KAZN: variants seen among roughly 807,000 people sequenced by gnomAD.
KAZN encodes kazrin.
A neutral mutation model predicts 87.4 loss-of-function variants in KAZN; 40 were observed. The observed-to-expected ratio is 0.46, with a 90% CI of 0.36 to 0.60. The LOEUF is 0.60. Among genes scored for constraint, KAZN ranks in the 20% least tolerant of loss-of-function variants. The pLI, the probability that KAZN is intolerant of heterozygous loss-of-function variation, is 0.00. For missense variants in KAZN, 898 were observed against 1,073.9 expected (o/e 0.84, Z 2.29); for synonymous variants, 466 against 458.3 (o/e 1.02, Z -0.22).
chr1:15,065,367 G>A (rs1639148089), intron 7 of KAZN, among the ~76,000 whole-genome samples: 2 of 152,202 alleles, frequency 1.3e-5, no homozygotes, highest in South Asian at 4.1e-4. Flanking sequence ...CAACATCCTC[G>A]TGGCAATCTT....
intron 1 of KAZN, among the ~76,000 whole-genome samples, chr1:14,020,801 A>G (rs1322070649): frequency 2.6e-5 from 4 of 152,214 alleles, no homozygotes; most frequent in Non-Finnish European, 5.9e-5. Flanking sequence ...GATAGAAAGT[A>G]AAACATTTAG....
At chr1:14,132,790 C>T (rs991662258) in intron 1 of KAZN, among the ~76,000 whole-genome samples, 1 of 152,072 alleles carries the variant, frequency 6.6e-6, no homozygotes, top group Non-Finnish European at 1.5e-5. Flanking sequence ...TAGCCTGTCT[C>T]CCTTTGGACT....
intron 1 of KAZN, among the ~76,000 whole-genome samples, chr1:14,677,535 C>T (rs1415654495): frequency 2.6e-5 from 4 of 152,046 alleles, no homozygotes; most frequent in Admixed American, 2.6e-4. Context: ...TGATGACAGA[C>T]TCTAAGACAC....
chr1:14,834,356 CTTTTTTTTTTTTTT>C (rs34228625), intron 1 of KAZN, among the ~76,000 whole-genome samples: 1 of 88,640 alleles, frequency 1.1e-5, no homozygotes, highest in Non-Finnish European at 2.1e-5. Context: ...AAGTCACTTC[CTTTTTTTTTTTTTT>C]TTTTTTTTTG....
At chr1:14,507,950 G>C (rs1201221343) in intron 2 of KAZN, among the ~76,000 whole-genome samples, 2 of 149,620 alleles carry the variant, frequency 1.3e-5, no homozygotes, top group South Asian at 2.2e-4. Flanking sequence ...CTGGGCAACA[G>C]AGCGAGACTC....
chr1:13,923,198 G>A (rs1329472017), intron 1 of KAZN, among the ~76,000 whole-genome samples: 1 of 152,154 alleles, frequency 6.6e-6, no homozygotes, highest in African/African-American at 2.4e-5. Flanking sequence ...CACATATTTT[G>A]TAGGTTATAT....
At chr1:14,578,510 C>T (rs1287502459) in intron 2 of KAZN, among the ~76,000 whole-genome samples, 4 of 151,954 alleles carry the variant, frequency 2.6e-5, no homozygotes, top group Admixed American at 6.6e-5. Flanking sequence ...CCCTTGTGAT[C>T]GCAAAGGTCA....
intron 3 of KAZN, among the ~76,000 whole-genome samples, chr1:15,041,824 A>G (rs1014274310): frequency 6.6e-6 from 1 of 151,842 alleles, no homozygotes; most frequent in Non-Finnish European, 1.5e-5. Context: ...TTCCTGCCTC[A>G]GGTACCAGCA....
At chr1:15,095,685 TTA>T (rs1323785453) in intron 10 of KAZN, among the ~76,000 whole-genome samples, 1 of 141,248 alleles carries the variant, frequency 7.1e-6, no homozygotes, top group East Asian at 2.3e-4. Flanking sequence ...TTTTGCATAA[TTA>T]TGTCCTTCAC....
At chr1:14,840,356 C>T (rs531527539) in intron 1 of KAZN, among the ~76,000 whole-genome samples, 1 of 152,312 alleles carries the variant, frequency 6.6e-6, no homozygotes, top group African/African-American at 2.4e-5. Flanking sequence ...ACGAGCTGCT[C>T]CTCCCTTTTT....
Position 15,087,952 on chromosome 1 carries a change from T to G in KAZN, c.1223-6228T>G, listed in dbSNP as rs72639901. On this transcript the variant is annotated intron_variant, in intron 8 of 14. Coordinates refer to ENST00000376030, the MANE Select transcript of KAZN (RefSeq NM_201628.3). Reference sequence around the variant, plus strand: ...CGTTTTACAGAGGGGAAAACCGAGGTTGAGAAAATGTAAAACGCTTCCGTG... The same window carrying G: ...CGTTTTACAGAGGGGAAAACCGAGGGTGAGAAAATGTAAAACGCTTCCGTG... Among the ~76,000 whole-genome samples, 1,512 of 152,224 alleles carry G rather than the reference T, an allele frequency of 9.9e-3. 42 individuals carry two copies. The highest frequency in any genetic ancestry group is 0.089 in the East Asian group (462 of 5,178).
At chr1:14,909,915 C>T (rs890025922) in intron 1 of KAZN, among the ~76,000 whole-genome samples, 4 of 152,188 alleles carry the variant, frequency 2.6e-5, no homozygotes, top group South Asian at 2.1e-4. Flanking sequence ...TAGCCAGGCA[C>T]GGTGGCGTGT....
intron 1 of KAZN, among the ~76,000 whole-genome samples, chr1:14,628,706 C>T (rs889393989): frequency 6.6e-6 from 1 of 152,150 alleles, no homozygotes; most frequent in East Asian, 1.9e-4. Context: ...TGGGTCCCAC[C>T]GTCCCTGTTT....
chr1:14,450,315 G>A (rs1036073095), intron 2 of KAZN, among the ~76,000 whole-genome samples: 7 of 152,200 alleles, frequency 4.6e-5, no homozygotes, highest in Non-Finnish European at 8.8e-5. Flanking sequence ...GTGTCTGGGC[G>A]CAGTGGCTCA....
intron 1 of KAZN, among the ~76,000 whole-genome samples, chr1:13,984,258 C>G (rs573528356): frequency 6.6e-6 from 1 of 152,206 alleles, no homozygotes; most frequent in South Asian, 2.1e-4. Flanking sequence ...GATCTGCCCG[C>G]CTCGGCCTCC....
intron 2 of KAZN, among the ~76,000 whole-genome samples, chr1:14,240,123 C>T (rs1648807242): frequency 6.6e-6 from 1 of 152,278 alleles, no homozygotes; most frequent in South Asian, 2.1e-4. Context: ...CTGTATGGTC[C>T]AATGTTCAGA....
intron 1 of KAZN, among the ~76,000 whole-genome samples, chr1:14,077,174 T>C (rs955370561): frequency 5.3e-4 from 80 of 152,280 alleles, no homozygotes; most frequent in African/African-American, 1.9e-3. Flanking sequence ...TTTAGGCTGT[T>C]CCCATGTGGA....
chr1:15,053,062 G>A (rs948721692), intron 4 of KAZN, among the ~76,000 whole-genome samples: 19 of 152,222 alleles, frequency 1.2e-4, no homozygotes, highest in African/African-American at 4.6e-4. Context: ...TTTGCAGGAG[G>A]GGGAGCTGAG....
At chr1:14,921,754 T>C (rs1658551146) in intron 1 of KAZN, among the ~76,000 whole-genome samples, 1 of 152,254 alleles carries the variant, frequency 6.6e-6, no homozygotes, top group African/African-American at 2.4e-5. Flanking sequence ...CTCTGTCGCC[T>C]AGCCTGGAGT....
Sources: allele counts gnomAD v4.1 joint callset (sites outside exome capture counted in the v4.1 genomes callset), GRCh38; gene constraint gnomAD v4.1.1; transcripts MANE v1.5; gene names NCBI Gene and HGNC (gene_info 2026-07-23, HGNC 2026-07-21).